Variants in ATR observed in about 807,000 individuals in gnomAD.
ATR encodes the protein serine/threonine-protein kinase ATR.
ATR carries 142 observed loss-of-function variants against 305.3 expected under a neutral mutation model. The observed-to-expected ratio is 0.47, with a 90% confidence interval of 0.41 to 0.53. The LOEUF (loss-of-function observed/expected upper bound fraction) is 0.53. Among genes scored for constraint, ATR ranks in the 20% least tolerant of loss-of-function variants. The pLI is 0.00. For missense variants in ATR, 2,135 were observed against 3,133.1 expected, an observed-to-expected ratio of 0.68 and a Z score of 7.60; for synonymous variants, 1,050 against 1,068.1, an observed-to-expected ratio of 0.98 and a Z score of 0.33.
intron 39 of ATR, among the ~76,000 whole-genome samples, chr3:142,467,354 A>T (rs2071155213): frequency 6.6e-6 from 1 of 152,162 alleles, no homozygotes; most frequent in Non-Finnish European, 1.5e-5. Flanking sequence ...CGAAAAAAGT[A>T]CTTATTACTC....
At chr3:142,509,545 ATTTTTTTTTTTTTTTTTTTT>A (rs71629538) in intron 27 of ATR, among the ~76,000 whole-genome samples, 1 of 73,794 alleles carries the variant, frequency 1.4e-5, no homozygotes. Context: ...TCAAATTCTG[ATTTTTTTTTTTTTTTTTTTT>A]TTTTTTTTGG....
At chr3:142,487,417 A>C (rs1333924812) in intron 35 of ATR, among the ~76,000 whole-genome samples, 5 of 152,208 alleles carry the variant, frequency 3.3e-5, no homozygotes, top group African/African-American at 1.2e-4. Context: ...GATTATAGGC[A>C]TGAGCCACCA....
At chr3:142,454,193 A>G (rs1269894421) in intron 45 of ATR, among the ~76,000 whole-genome samples, 1 of 152,142 alleles carries the variant, frequency 6.6e-6, no homozygotes, top group Non-Finnish European at 1.5e-5. Flanking sequence ...TTTCTCAGGC[A>G]GGCCATGACT....
At chr3:142,469,208 A>T in intron 38 of ATR, 129 bp downstream of exon 38, 1 of 659,952 alleles carries the variant, frequency 1.5e-6, no homozygotes. Flanking sequence ...TTAAAAAAAT[A>T]TTTAAAATTA....
At chr3:142,552,448 T>C (rs1044864396) in intron 13 of ATR, among the ~76,000 whole-genome samples, 2 of 152,144 alleles carry the variant, frequency 1.3e-5, no homozygotes, top group Non-Finnish European at 2.9e-5. Flanking sequence ...GACGGGTGGA[T>C]TGCTTGAGAT....
In ATR at chr3:142,457,596, G is replaced by A; in HGVS notation, c.7655+8C>T. ...CTGTTAAATTATTTACAAAGTATAGGTGATTACCTCATTAAAGGCTCTCGC... is the reference window on the plus strand; with the variant it reads ...CTGTTAAATTATTTACAAAGTATAGATGATTACCTCATTAAAGGCTCTCGC... On this transcript the variant is annotated splice_region_variant and intron_variant, in intron 45 of 46. Coordinates refer to ENST00000350721, the MANE Select transcript of ATR (RefSeq NM_001184.4). 6.2e-7 allele frequency: 1 copy of A among 1,613,760 alleles called. No individual in the cohort carries two copies. The highest frequency in any genetic ancestry group is 8.5e-7 in the Non-Finnish European group (1 of 1,179,850).
chr3:142,569,340 C>T (rs1028790899), intron 1 of ATR, among the ~76,000 whole-genome samples: 2 of 152,016 alleles, frequency 1.3e-5, no homozygotes, highest in Admixed American at 6.6e-5. Context: ...CCCCTTTTGG[C>T]GACAGGGTCT....
At chr3:142,477,034 C>T (rs1003024740) in intron 36 of ATR, among the ~76,000 whole-genome samples, 1 of 152,188 alleles carries the variant, frequency 6.6e-6, no homozygotes, top group African/African-American at 2.4e-5. Context: ...ATCATGTCGT[C>T]TGCAAACAGG....
chr3:142,501,128 T>C (rs2031937839), intron 30 of ATR, among the ~76,000 whole-genome samples: 1 of 152,158 alleles, frequency 6.6e-6, no homozygotes, highest in African/African-American at 2.4e-5. Context: ...AATCATTTGC[T>C]TCACCATGAC....
At chr3:142,567,118 CAT>C (rs2035101123) in intron 2 of ATR, among the ~76,000 whole-genome samples, 1 of 152,048 alleles carries the variant, frequency 6.6e-6, no homozygotes, top group Non-Finnish European at 1.5e-5. Context: ...ATTTATCAAA[CAT>C]GTACTTCAGG....
chr3:142,483,811 C>T (rs905558059), intron 36 of ATR, among the ~76,000 whole-genome samples: 6 of 150,370 alleles, frequency 4.0e-5, no homozygotes, highest in African/African-American at 4.9e-5. Flanking sequence ...CCAGCCTGGG[C>T]GACAGAGCAA....
chr3:142,558,957 T>C, intron 7 of ATR, 181 bp from the exon 8 acceptor site: 3 of 668,958 alleles, frequency 4.5e-6, no homozygotes, highest in Non-Finnish European at 7.3e-6. Context: ...AATGTGACTT[T>C]ATAAAAACAT....
intron 40 of ATR, chr3:142,465,767 A>G (rs1346061829): frequency 6.1e-6 from 1 of 163,088 alleles, no homozygotes; most frequent in Non-Finnish European, 1.3e-5. Context: ...ACACTTGGGA[A>G]GGCTGAGCAG....
At chr3:142,558,215 G>A (rs1055393792) in intron 8 of ATR, among the ~76,000 whole-genome samples, 1 of 151,778 alleles carries the variant, frequency 6.6e-6, no homozygotes, top group African/African-American at 2.4e-5. Flanking sequence ...GTCCTATATA[G>A]AGATGAGTTA....
At chr3:142,468,705 A>G (rs2071186963) in intron 38 of ATR, among the ~76,000 whole-genome samples, 1 of 152,108 alleles carries the variant, frequency 6.6e-6, no homozygotes. Flanking sequence ...TAATTCAGGT[A>G]CTGGCGGGGC....
In ATR at chr3:142,555,907, TCAGTAGG is replaced by T; in HGVS notation, c.2304_2310del (p.Phe768LeufsTer9). ...TTTACTGGACTAGGTATTTTTTTTT[TCAGTAGG>T]AAAAGGAATGGCTTGCAGACAGAAG... On this transcript the variant is annotated frameshift_variant, in exon 10 of 47. Transcript: ENST00000350721. LOFTEE classifies it high-confidence loss of function. 9 of 1,610,102 alleles carry T rather than the reference TCAGTAGG, an allele frequency of 5.6e-6. No homozygotes were observed. The Admixed American group carries it at 6.8e-5, about 12-fold the overall frequency.
chr3:142,536,244 T>C (rs771808632), intron 19 of ATR, 43 bp from the exon 20 acceptor site: 45 of 1,360,808 alleles, frequency 3.3e-5, no homozygotes, highest in African/African-American at 1.3e-4. Flanking sequence ...GCCAAGAATA[T>C]GAATACTAAA....
intron 37 of ATR, 81 bp from the exon 38 acceptor site, chr3:142,469,650 T>G (rs925162701): frequency 1.9e-5 from 24 of 1,295,922 alleles, no homozygotes; most frequent in Non-Finnish European, 2.5e-5. Flanking sequence ...AAGAAAAATT[T>G]TGCTTTAAAA....
At chr3:142,479,129 T>A (rs201446535) in intron 36 of ATR, among the ~76,000 whole-genome samples, 19,346 of 152,062 alleles carry the variant, frequency 0.13, 1,324 homozygotes, top group Non-Finnish European at 0.16. Context: ...ATCCTCTCAG[T>A]ATGATGTTAG....
Sources: gnomAD v4.1 joint callset for allele counts (sites outside exome capture counted in the v4.1 genomes callset) on GRCh38, gnomAD v4.1.1 for gene constraint, MANE v1.5 for transcripts, NCBI Gene and HGNC (gene_info 2026-07-23, HGNC 2026-07-21) for gene names.